IQCJ: variants seen among roughly 807,000 people sequenced by gnomAD.
The protein encoded by IQCJ is IQ domain-containing protein J.
A neutral mutation model predicts 11.0 loss-of-function variants in IQCJ; 9 were observed. The observed-to-expected ratio is 0.82, with a 90% confidence interval of 0.49 to 1.43. IQCJ has a LOEUF of 1.43. Among genes scored for constraint, IQCJ ranks in the 40% most tolerant of loss-of-function variants. The probability of loss-of-function intolerance (pLI) is 0.00; values close to 1 mark genes in which losing one functional copy is unlikely to be tolerated. For synonymous variants in IQCJ, 55 were observed against 51.3 expected, an observed-to-expected ratio of 1.07 and a Z score of -0.31; for missense variants, 146 against 133.2, an observed-to-expected ratio of 1.10 and a Z score of -0.47.
intron 1 of IQCJ, among the ~76,000 whole-genome samples, chr3:159,164,717 G>A (rs1359313383): frequency 9.9e-5 from 15 of 152,108 alleles, no homozygotes; most frequent in African/African-American, 2.7e-4. Context: ...GTGGTGAGCC[G>A]AGATCACGCC....
chr3:159,164,286 T>C (rs1196520935), intron 1 of IQCJ, among the ~76,000 whole-genome samples: 1 of 152,198 alleles, frequency 6.6e-6, no homozygotes, highest in Admixed American at 6.5e-5. Context: ...GCTTCCCCAC[T>C]GACCTGCCTT....
chr3:159,243,065 G>A (rs1727033799), intron 1 of IQCJ, among the ~76,000 whole-genome samples: 2 of 152,050 alleles, frequency 1.3e-5, no homozygotes, highest in South Asian at 4.1e-4. Context: ...AAATCCAGGA[G>A]AATAACTAAA....
intron 1 of IQCJ, among the ~76,000 whole-genome samples, chr3:159,157,465 G>A (rs139908747): frequency 6.6e-6 from 1 of 152,232 alleles, no homozygotes; most frequent in African/African-American, 2.4e-5. Context: ...GAAGCCTTAG[G>A]CAATGTTGAT....
intron 3 of IQCJ, among the ~76,000 whole-genome samples, chr3:159,259,563 T>C (rs528923747): frequency 6.6e-6 from 1 of 152,322 alleles, no homozygotes; most frequent in South Asian, 2.1e-4. Flanking sequence ...TTTACTTTAG[T>C]TCCCTCTTAC....
At chr3:159,224,815 G>T (rs1394318283) in intron 1 of IQCJ, among the ~76,000 whole-genome samples, 1 of 152,060 alleles carries the variant, frequency 6.6e-6, no homozygotes, top group East Asian at 1.9e-4. Context: ...ACAAGGAAAA[G>T]AAAGACATAA....
Position 159,262,579 on chromosome 3 carries a change from C to T in IQCJ, c.187C>T (p.Arg63Trp), listed in dbSNP as rs766827460. 17 of 1,613,804 alleles carry T rather than the reference C, an allele frequency of 1.1e-5. No individual in the cohort carries two copies. The highest frequency in any genetic ancestry group is 1.7e-4 in the Middle Eastern group (1 of 6,058). ...IQRAWREYLQ[R>W]QEPLGKRSPS... The stretch of plus-strand genomic sequence containing the variant: ...GCGAGCATGGCGAGAGTACCTGCAG[C>T]GGCAGGAGCCCCTGGGGAAGAGGAG... Residue 63 changes from arginine to tryptophan, a missense_variant, in exon 4 of 4, where the codon CGG (arginine) becomes TGG (tryptophan). Physicochemically the swap from Arg to Trp is moderately radical, Grantham distance 101. Coordinates refer to ENST00000397832, the MANE Select transcript of IQCJ (RefSeq NM_001042706.3).
At chr3:159,160,050 T>C (rs982449746) in intron 1 of IQCJ, among the ~76,000 whole-genome samples, 1 of 152,188 alleles carries the variant, frequency 6.6e-6, no homozygotes, top group Non-Finnish European at 1.5e-5. Context: ...AGAGATACCA[T>C]GGTCTTCATC....
At chr3:159,232,196 G>A (rs558661470) in intron 1 of IQCJ, among the ~76,000 whole-genome samples, 47 of 151,914 alleles carry the variant, frequency 3.1e-4, no homozygotes, top group South Asian at 1.2e-3. Context: ...GTTTGCTCTC[G>A]CTTTTCTTGT....
At chr3:159,168,592 T>C (rs1722305441) in intron 1 of IQCJ, among the ~76,000 whole-genome samples, 2 of 152,162 alleles carry the variant, frequency 1.3e-5, no homozygotes, top group South Asian at 4.1e-4. Context: ...AGTAGGCATG[T>C]AAGTGACTTT....
chr3:159,135,708 C>CT (rs1206293486), intron 1 of IQCJ, among the ~76,000 whole-genome samples: 4 of 152,134 alleles, frequency 2.6e-5, no homozygotes, highest in African/African-American at 9.7e-5. Context: ...CCGATCACTT[C>CT]TTTCGCTGGC....
chr3:159,101,506 A>G (rs951801333), intron 1 of IQCJ, among the ~76,000 whole-genome samples: 2 of 152,200 alleles, frequency 1.3e-5, no homozygotes, highest in Non-Finnish European at 2.9e-5. Flanking sequence ...TGGGAAGGGG[A>G]GAGCCACTCA....
intron 1 of IQCJ, among the ~76,000 whole-genome samples, chr3:159,184,045 CTTA>C (rs1723247789): frequency 6.6e-6 from 1 of 151,598 alleles, no homozygotes; most frequent in African/African-American, 2.4e-5. Flanking sequence ...CTTTCCCACC[CTTA>C]CTTAAAATAC....
chr3:159,135,321 C>G (rs1226537480), intron 1 of IQCJ, among the ~76,000 whole-genome samples: 3 of 152,124 alleles, frequency 2.0e-5, no homozygotes, highest in African/African-American at 7.2e-5. Context: ...CAATTTTGAC[C>G]CAGCCATCCC....
intron 1 of IQCJ, among the ~76,000 whole-genome samples, chr3:159,089,117 G>T (rs1354331088): frequency 6.6e-6 from 1 of 151,934 alleles, no homozygotes; most frequent in Non-Finnish European, 1.5e-5. Context: ...CAGGCCTGGT[G>T]GTGACGAAAT....
intron 1 of IQCJ, among the ~76,000 whole-genome samples, chr3:159,222,688 C>T (rs889609902): frequency 6.6e-6 from 1 of 152,054 alleles, no homozygotes; most frequent in African/African-American, 2.4e-5. Flanking sequence ...TTTAGGTACT[C>T]TTGCCTAAAA....
intron 1 of IQCJ, among the ~76,000 whole-genome samples, chr3:159,226,054 A>G (rs944509791): frequency 1.3e-5 from 2 of 152,158 alleles, no homozygotes; most frequent in Non-Finnish European, 2.9e-5. Context: ...TGGAGCTACC[A>G]TGTCCTATCC....
chr3:159,127,477 A>G (rs1188798141), intron 1 of IQCJ, among the ~76,000 whole-genome samples: 1 of 151,872 alleles, frequency 6.6e-6, no homozygotes, highest in East Asian at 1.9e-4. Context: ...AGCTCAGGAA[A>G]CTCTAGTTGT....
intron 1 of IQCJ, among the ~76,000 whole-genome samples, chr3:159,214,314 G>T (rs1315141610): frequency 6.6e-6 from 1 of 152,102 alleles, no homozygotes; most frequent in Non-Finnish European, 1.5e-5. Flanking sequence ...CAACCTGGGG[G>T]TAGCTCCAGC....
chr3:159,137,525 A>G (rs1395591648), intron 1 of IQCJ, among the ~76,000 whole-genome samples: 1 of 152,200 alleles, frequency 6.6e-6, no homozygotes, highest in Non-Finnish European at 1.5e-5. Flanking sequence ...TCATAAGACA[A>G]TGATCCTTTA....
Sources: allele counts gnomAD v4.1 joint callset (sites outside exome capture counted in the v4.1 genomes callset), GRCh38; gene constraint gnomAD v4.1.1; transcripts MANE v1.5; gene names NCBI Gene and HGNC (gene_info 2026-07-23, HGNC 2026-07-21).